Variants in CORIN observed in about 807,000 individuals in gnomAD.
CORIN encodes the protein atrial natriuretic peptide-converting enzyme.
CORIN carries 117 observed loss-of-function variants against 125.3 expected under a neutral mutation model. The ratio of observed to expected loss-of-function variants is 0.93; its 90% CI spans 0.80 to 1.09. CORIN has a LOEUF of 1.09. CORIN is among the 50% of genes least tolerant of loss of function. CORIN has a pLI of 0.00. For synonymous variants in CORIN, 450 were observed against 466.4 expected (o/e 0.96, Z 0.45); for missense variants, 1,253 against 1,306.7 (o/e 0.96, Z 0.63).
rs186500379 is a variant in CORIN, at chr4:47,754,550, T to C, written c.617+8829A>G. Among the ~76,000 whole-genome samples the C allele has an allele frequency of 2.8e-3, 424 of 152,208 alleles. 4 individuals carry two copies. Among genetic ancestry groups the C allele is most frequent in the African/African-American group, 9.3e-3 (388 of 41,536 alleles). The stretch of plus-strand genomic sequence containing the variant: ...CCATTTATTCCCAAATGAGATACAA[T>C]TTGGGACATATGTAACTTAACACCT... On this transcript the variant is annotated intron_variant, in intron 4 of 21. Transcript: ENST00000273857.
intron 6 of CORIN, 102 bp downstream of exon 6, chr4:47,692,868 T>G: frequency 1.1e-6 from 1 of 871,160 alleles, no homozygotes; most frequent in Non-Finnish European, 1.9e-6. Context: ...GTTTGCTCGC[T>G]TTAGAAAGGC....
intron 10 of CORIN, among the ~76,000 whole-genome samples, chr4:47,668,843 T>C (rs1322927880): frequency 2.0e-5 from 3 of 152,256 alleles, no homozygotes; most frequent in Admixed American, 6.5e-5. Context: ...TAGATCTTTA[T>C]TGAATTCGGT....
intron 5 of CORIN, among the ~76,000 whole-genome samples, chr4:47,725,336 C>T (rs1049040939): frequency 6.6e-6 from 1 of 151,634 alleles, no homozygotes; most frequent in East Asian, 1.9e-4. Context: ...TGAGACATAA[C>T]ACAGTGGAAA....
intron 13 of CORIN, among the ~76,000 whole-genome samples, chr4:47,647,412 TA>T (rs1396579482): frequency 6.6e-6 from 1 of 152,130 alleles, no homozygotes; most frequent in African/African-American, 2.4e-5. Flanking sequence ...CCATTCTTCT[TA>T]AGACTACAAG....
chr4:47,653,957 C>G, intron 12 of CORIN, among the ~76,000 whole-genome samples: 1 of 152,216 alleles, frequency 6.6e-6, no homozygotes, highest in Non-Finnish European at 1.5e-5. Flanking sequence ...CTTGTGCAGT[C>G]AGTGCTCCTG....
At chr4:47,768,197 C>T (rs1057494498) in intron 3 of CORIN, among the ~76,000 whole-genome samples, 8 of 152,120 alleles carry the variant, frequency 5.3e-5, no homozygotes, top group Non-Finnish European at 1.0e-4. Context: ...TATAAAACGG[C>T]CCCACCCCTG....
At chr4:47,660,729 G>C (rs928762974) in intron 12 of CORIN, among the ~76,000 whole-genome samples, 3 of 152,194 alleles carry the variant, frequency 2.0e-5, no homozygotes, top group African/African-American at 7.2e-5. Flanking sequence ...CTATTGGTGA[G>C]AATGCAAATT....
intron 4 of CORIN, among the ~76,000 whole-genome samples, chr4:47,751,017 C>G (rs1728875771): frequency 6.6e-6 from 1 of 152,146 alleles, no homozygotes; most frequent in South Asian, 2.1e-4. Context: ...CTGTTTACAC[C>G]ACAAGAATCA....
chr4:47,683,684 T>A, intron 7 of CORIN, 47 bp downstream of exon 7: 1 of 1,401,134 alleles, frequency 7.1e-7, no homozygotes, highest in Non-Finnish European at 1.0e-6. Context: ...TGGTTATAAA[T>A]TTCTATGATT....
chr4:47,623,069 C>T (rs1256198013), intron 19 of CORIN, among the ~76,000 whole-genome samples: 1 of 93,612 alleles, frequency 1.1e-5, no homozygotes, highest in Non-Finnish European at 1.9e-5. Flanking sequence ...CATAACATAA[C>T]CTCTCTCTCT....
intron 5 of CORIN, among the ~76,000 whole-genome samples, chr4:47,709,616 T>C (rs973951901): frequency 1.3e-5 from 2 of 152,270 alleles, no homozygotes; most frequent in Middle Eastern, 3.4e-3. Context: ...GATACTAAAA[T>C]ATAAATATGT....
intron 5 of CORIN, among the ~76,000 whole-genome samples, chr4:47,712,793 C>G (rs1726910020): frequency 6.6e-6 from 1 of 152,056 alleles, no homozygotes; most frequent in Non-Finnish European, 1.5e-5. Context: ...ATTACTCAAA[C>G]TAGTCAATTA....
chr4:47,628,729 C>T (rs1377807684), intron 16 of CORIN, among the ~76,000 whole-genome samples: 1 of 152,058 alleles, frequency 6.6e-6, no homozygotes, highest in Non-Finnish European at 1.5e-5. Flanking sequence ...TCTTTCTGTG[C>T]TTGGCGTATT....
At chr4:47,655,031 C>T (rs1377972856) in intron 12 of CORIN, among the ~76,000 whole-genome samples, 1 of 152,084 alleles carries the variant, frequency 6.6e-6, no homozygotes, top group African/African-American at 2.4e-5. Flanking sequence ...GCCCCCATTC[C>T]AGGCCCTAGC....
At chr4:47,808,560 G>A (rs188437223) in intron 1 of CORIN, among the ~76,000 whole-genome samples, 1 of 152,326 alleles carries the variant, frequency 6.6e-6, no homozygotes, top group East Asian at 1.9e-4. Flanking sequence ...CTCCATGAGA[G>A]ACATTATTTG....
At chr4:47,671,212 A>G (rs963530095) in intron 10 of CORIN, among the ~76,000 whole-genome samples, 2 of 152,204 alleles carry the variant, frequency 1.3e-5, no homozygotes, top group South Asian at 2.1e-4. Context: ...AGAAAATCAC[A>G]TAATATTTTA....
At chr4:47,601,705 T>C (rs1251140513) in intron 20 of CORIN, among the ~76,000 whole-genome samples, 1 of 152,118 alleles carries the variant, frequency 6.6e-6, no homozygotes, top group Non-Finnish European at 1.5e-5. Context: ...ACAGAATTAA[T>C]CATAGCTTTG....
chr4:47,837,897 G>A lies in CORIN; in HGVS notation c.53C>T (p.Ser18Phe). The A allele has an allele frequency of 1.2e-6, 2 of 1,613,684 alleles. No homozygotes were observed. The highest frequency in any genetic ancestry group is 1.7e-6 in the Non-Finnish European group (2 of 1,179,922). ...AATCATCGATCTTACCGGCTTTGGG[G>A]ACCCGGCTCTGCGGCAGCGCTCTTC... ...APEERCRRAG[S>F]PKPVLRADDN... Residue 18 changes from serine to phenylalanine, a missense_variant, in exon 1 of 22, where the codon TCC becomes TTC. Transcript: ENST00000273857.
At chr4:47,614,779 G>A (rs951118877) in intron 19 of CORIN, among the ~76,000 whole-genome samples, 2 of 152,116 alleles carry the variant, frequency 1.3e-5, no homozygotes, top group African/African-American at 4.8e-5. Flanking sequence ...AGTATTTATT[G>A]AGTGGCTGCT....
Sources: allele counts gnomAD v4.1 joint callset (sites outside exome capture counted in the v4.1 genomes callset), GRCh38; gene constraint gnomAD v4.1.1; transcripts MANE v1.5; gene names NCBI Gene and HGNC (gene_info 2026-07-23, HGNC 2026-07-21).